CRADD: variants seen among roughly 807,000 people sequenced by gnomAD.
The protein encoded by CRADD is CARD and death domain containing adaptor protein, also known as death domain-containing protein CRADD.
A neutral mutation model predicts 15.5 loss-of-function variants in CRADD; 9 were observed. The observed-to-expected ratio is 0.58, with a 90% CI of 0.35 to 1.01. CRADD has a LOEUF of 1.01. Ranked by LOEUF, CRADD falls within the 50% of genes least tolerant of loss-of-function variation. The pLI, the probability that CRADD is intolerant of heterozygous loss-of-function variation, is 0.02. For synonymous variants in CRADD, 118 were observed against 107.6 expected, an observed-to-expected ratio of 1.10 and a Z score of -0.60; for missense variants, 227 against 250.3, an observed-to-expected ratio of 0.91 and a Z score of 0.63.
At chr12:93,683,760 GCTCTTA>G (rs1320226539) in intron 2 of CRADD, among the ~76,000 whole-genome samples, 1 of 152,242 alleles carries the variant, frequency 6.6e-6, no homozygotes. Flanking sequence ...AAGTCACTGA[GCTCTTA>G]ATGGCAGATA....
At chr12:93,705,045 C>T (rs1055950310) in intron 2 of CRADD, among the ~76,000 whole-genome samples, 2 of 152,230 alleles carry the variant, frequency 1.3e-5, no homozygotes, top group Non-Finnish European at 2.9e-5. Context: ...GCATTTAACA[C>T]TATCTGGAAT....
chr12:93,732,733 G>A (rs775516518), intron 2 of CRADD, among the ~76,000 whole-genome samples: 2 of 152,130 alleles, frequency 1.3e-5, no homozygotes, highest in Non-Finnish European at 2.9e-5. Context: ...GTCTCTCTAA[G>A]CTTTAGTTTC....
intron 2 of CRADD, among the ~76,000 whole-genome samples, chr12:93,753,795 C>T (rs1233495372): frequency 1.3e-5 from 2 of 152,238 alleles, no homozygotes; most frequent in African/African-American, 2.4e-5. Context: ...TATAGCCCCC[C>T]TCCCAGCTGC....
intron 2 of CRADD, among the ~76,000 whole-genome samples, chr12:93,787,308 T>TG (rs986910074): frequency 2.4e-5 from 1 of 42,402 alleles, no homozygotes; most frequent in African/African-American, 7.3e-5. Flanking sequence ...TGACAGGGTT[T>TG]TTTTTTTTTT....
intron 2 of CRADD, among the ~76,000 whole-genome samples, chr12:93,769,259 T>C (rs920512723): frequency 1.3e-5 from 2 of 152,086 alleles, no homozygotes; most frequent in Non-Finnish European, 2.9e-5. Context: ...TATTTTTGCA[T>C]TTTTTGTAGA....
chr12:93,815,668 T>A (rs1371432728), intron 2 of CRADD, among the ~76,000 whole-genome samples: 1 of 152,192 alleles, frequency 6.6e-6, no homozygotes, highest in Non-Finnish European at 1.5e-5. Context: ...AATCCTAAAG[T>A]CTCTTAGCTT....
At chr12:93,715,939 C>T (rs1008102891) in intron 2 of CRADD, among the ~76,000 whole-genome samples, 16 of 151,820 alleles carry the variant, frequency 1.1e-4, no homozygotes, top group African/African-American at 3.4e-4. Flanking sequence ...GTCAGGAGTT[C>T]GAGATTAGCT....
intron 2 of CRADD, among the ~76,000 whole-genome samples, chr12:93,856,117 ATCT>A (rs995074599): frequency 2.0e-5 from 3 of 152,148 alleles, no homozygotes; most frequent in African/African-American, 7.2e-5. Context: ...AGTTTTTCTA[ATCT>A]TCTTCACCCT....
chr12:93,820,344 A>C (rs184429340), intron 2 of CRADD, among the ~76,000 whole-genome samples: 1 of 152,156 alleles, frequency 6.6e-6, no homozygotes, highest in East Asian at 1.9e-4. Flanking sequence ...GATAGAGACC[A>C]TCCTGGCTAA....
intron 2 of CRADD, among the ~76,000 whole-genome samples, chr12:93,791,614 C>A (rs58798353): frequency 1.3e-5 from 2 of 151,984 alleles, no homozygotes; most frequent in African/African-American, 4.8e-5. Flanking sequence ...TACAGCATGG[C>A]AACTGTAGTA....
intron 2 of CRADD, among the ~76,000 whole-genome samples, chr12:93,806,735 A>T (rs1018206930): frequency 2.0e-5 from 3 of 152,168 alleles, no homozygotes; most frequent in African/African-American, 7.2e-5. Flanking sequence ...CATAAGGTAA[A>T]GATTGATGGT....
chr12:93,872,950 A>G (rs779864217), intron 2 of CRADD, among the ~76,000 whole-genome samples: 6 of 152,010 alleles, frequency 3.9e-5, no homozygotes, highest in African/African-American at 7.2e-5. Flanking sequence ...GAAGAATATC[A>G]TTGGTATTTT....
chr12:93,846,448 T>TA (rs1156565188), intron 2 of CRADD: 1 of 142,806 alleles, frequency 7.0e-6, no homozygotes, highest in Non-Finnish European at 1.5e-5. Flanking sequence ...ATTTGGGACT[T>TA]ACTGTTTTTT....
At chr12:93,770,262 A>AT (rs370616390) in intron 2 of CRADD, among the ~76,000 whole-genome samples, 9 of 151,072 alleles carry the variant, frequency 6.0e-5, no homozygotes, top group Non-Finnish European at 7.4e-5. Flanking sequence ...CGCCCGGCTA[A>AT]TTTTTTTTGT....
intron 2 of CRADD, among the ~76,000 whole-genome samples, chr12:93,701,295 G>GACACACACACACACACACACACACACAC (rs55986038): frequency 7.0e-6 from 1 of 143,352 alleles, no homozygotes; most frequent in African/African-American, 2.6e-5. Context: ...CTCTCTCTGT[G>GACACACACACACACACACACACACACAC]ACACACACAC....
intron 2 of CRADD, among the ~76,000 whole-genome samples, chr12:93,691,938 G>A (rs949291210): frequency 8.5e-5 from 13 of 152,082 alleles, no homozygotes; most frequent in African/African-American, 3.1e-4. Flanking sequence ...AATGCATGTG[G>A]GCTTAATACC....
At chr12:93,826,525 C>T (rs2137024763) in intron 2 of CRADD, among the ~76,000 whole-genome samples, 1 of 152,320 alleles carries the variant, frequency 6.6e-6, no homozygotes, top group Non-Finnish European at 1.5e-5. Context: ...AAAGCTATAT[C>T]CTCTGCTTCC....
intron 2 of CRADD, among the ~76,000 whole-genome samples, chr12:93,687,094 T>C (rs1377212687): frequency 6.6e-6 from 1 of 152,214 alleles, no homozygotes; most frequent in South Asian, 2.1e-4. Context: ...TCTGCAAGGC[T>C]GACATAAAGG....
At chr12:93,842,738 T>C (rs1275407523) in intron 2 of CRADD, among the ~76,000 whole-genome samples, 1 of 146,816 alleles carries the variant, frequency 6.8e-6, no homozygotes, top group Non-Finnish European at 1.5e-5. Context: ...GGAGGGAGAA[T>C]GCTATGTTGT....
Sources: gnomAD v4.1 joint callset for allele counts (sites outside exome capture counted in the v4.1 genomes callset) on GRCh38, gnomAD v4.1.1 for gene constraint, MANE v1.5 for transcripts, NCBI Gene and HGNC (gene_info 2026-07-23, HGNC 2026-07-21) for gene names.